The following ZNF766 variants were observed in gnomAD, a reference collection of about 807,000 sequenced individuals.
ZNF766 encodes zinc finger protein 766.
In ZNF766, 13 loss-of-function variants were observed where a neutral mutation model predicts 13.2. That is an observed-to-expected ratio of 0.98 (90% CI 0.64 to 1.56). ZNF766 has a LOEUF of 1.56. Among genes scored for constraint, ZNF766 ranks in the 40% most tolerant of loss-of-function variants. The pLI is 0.00. For synonymous variants in ZNF766, 178 were observed against 187.6 expected, an observed-to-expected ratio of 0.95 and a Z score of 0.42; for missense variants, 521 against 552.2, an observed-to-expected ratio of 0.94 and a Z score of 0.57.
intron 1 of ZNF766, among the ~76,000 whole-genome samples, chr19:52,273,852 T>G (rs1441090715): frequency 6.6e-6 from 1 of 152,186 alleles, no homozygotes; most frequent in African/African-American, 2.4e-5. Flanking sequence ...AGCTCACCCC[T>G]GTTTTCACAT....
At chr19:52,283,558 C>G in intron 3 of ZNF766, 145 bp downstream of exon 3, 1 of 1,103,954 alleles carries the variant, frequency 9.1e-7, no homozygotes, top group Non-Finnish European at 1.2e-6. Flanking sequence ...CTGCTTTGGC[C>G]TCCCAAAGTG....
intron 1 of ZNF766, among the ~76,000 whole-genome samples, chr19:52,280,038 CG>C (rs1228674521): frequency 6.6e-6 from 1 of 152,032 alleles, no homozygotes; most frequent in Non-Finnish European, 1.5e-5. Flanking sequence ...TCAGGTGATC[CG>C]CCCGCCTCAG....
At position 52,295,840 on chromosome 19, in the gene ZNF766, T is replaced by C. The variant is rs1982323920; in HGVS notation, c.*4642T>C. 6.6e-6 allele frequency: 1 copy of C among 152,038 alleles called. No homozygotes were observed. Among genetic ancestry groups the C allele is most frequent in the African/African-American group, 2.4e-5 (1 of 41,414 alleles). 9.4% of individuals were successfully genotyped at this position (152,038 alleles called of 1,614,324 possible). A position where few individuals can be genotyped will look rare whatever the true frequency, so the allele number is the denominator to read the frequency against. ...GGAGCATGCTGCTCTATCTTTTTTT[T>C]CAGATGTTTGAGCTATTCCAGGTTT... is the stretch of plus-strand genomic sequence containing the variant. On this transcript the variant is annotated 3_prime_UTR_variant, in exon 4 of 4. Coordinates refer to ENST00000439461, the MANE Select transcript of ZNF766 (RefSeq NM_001010851.3).
In ZNF766 at chr19:52,290,160, A is replaced by C. The variant is rs754293454; in HGVS notation, c.369A>C (p.Ile123=). 1 of 1,614,028 alleles carries C rather than the reference A, an allele frequency of 6.2e-7. No homozygotes were observed. The highest frequency in any genetic ancestry group is 1.3e-5 in the African/African-American group (1 of 74,944). The change falls in exon 4 of 4, where the codon ATA becomes ATC. Residue 123 remains isoleucine (I), a synonymous_variant. Transcript: ENST00000439461. ...AGTTACCTCTGCCAGAACTGGAGAT[A>C]TTTCAAGGTGAAGGGAAGATTTATG... is the stretch of plus-strand genomic sequence containing the variant. ...TFQLPLPELE[I]FQGEGKIYEC...
chr19:52,287,093 C>T (rs573480030), intron 3 of ZNF766, among the ~76,000 whole-genome samples: 2 of 152,294 alleles, frequency 1.3e-5, no homozygotes, highest in South Asian at 4.1e-4. Context: ...CCTCAGCCTC[C>T]CAAAGTGCTG....
At chr19:52,280,249 T>G (rs1004420829) in intron 1 of ZNF766, among the ~76,000 whole-genome samples, 3 of 152,186 alleles carry the variant, frequency 2.0e-5, no homozygotes, top group African/African-American at 7.2e-5. Flanking sequence ...AGCCCCAGTT[T>G]CTTGGGAGGC....
intron 1 of ZNF766, among the ~76,000 whole-genome samples, chr19:52,272,622 A>C (rs1420450491): frequency 6.6e-6 from 1 of 152,066 alleles, no homozygotes; most frequent in Non-Finnish European, 1.5e-5. Context: ...GCATACCACC[A>C]CACCTGAGTA....
In ZNF766 at chr19:52,295,673, G is replaced by A. The variant is rs1982315755; in HGVS notation, c.*4475G>A. ...CTTTCACTATATTAGAGGACTTGAA[G>A]TAACGTGAAGTGATTCCAACCCTTT... On this transcript the variant is annotated 3_prime_UTR_variant, in exon 4 of 4. Coordinates refer to ENST00000439461, the MANE Select transcript of ZNF766 (RefSeq NM_001010851.3). 1 of 152,136 alleles carries A rather than the reference G, an allele frequency of 6.6e-6. No homozygotes were observed. The highest frequency in any genetic ancestry group is 1.5e-5 in the Non-Finnish European group (1 of 68,016). 9.4% of individuals were successfully genotyped at this position (152,136 alleles called of 1,614,324 possible).
In ZNF766 at chr19:52,288,694, G is replaced by GT. The variant is rs570168757; in HGVS notation, c.275-1360dup. ...TAGGTGTGAGCCACCACACCCAGCC[G>GT]TTTTTTTTTTTTCATGTATGCATAC... On this transcript the variant is annotated intron_variant, in intron 3 of 3. Transcript: ENST00000439461. 7.0e-3 allele frequency among the ~76,000 whole-genome samples: 968 copies of GT among 138,132 alleles called. 6 individuals are homozygous for GT. Among genetic ancestry groups the GT allele is most frequent in the East Asian group, 0.032 (147 of 4,662 alleles). The allele number at this position is 138,132 out of a possible 152,430, so 90.6% of individuals were successfully genotyped here.
intron 1 of ZNF766, among the ~76,000 whole-genome samples, chr19:52,271,709 C>T (rs1310920698): frequency 6.6e-6 from 1 of 152,228 alleles, no homozygotes; most frequent in Non-Finnish European, 1.5e-5. Flanking sequence ...CCTGTAATCC[C>T]AGCACTTTGG....
Position 52,291,033 on chromosome 19 carries a change from T to C in ZNF766, c.1242T>C (p.Asn414=), listed in dbSNP as rs1568623889. Residue 414 remains asparagine (N), a synonymous_variant, in exon 4 of 4, where the codon AAT becomes AAC. Transcript: ENST00000439461. ...CTGGAGAGAAACCTTACAAATGTAA[T>C]GAGTGTGGCAAAGTCTTCACTCAGA... is the stretch of plus-strand genomic sequence containing the variant. ...IHTGEKPYKC[N]ECGKVFTQNS... 6.2e-7 allele frequency: 1 copy of C among 1,614,140 alleles called. No homozygotes were observed. Among genetic ancestry groups the C allele is most frequent in the Non-Finnish European group, 8.5e-7 (1 of 1,180,024 alleles).
chr19:52,284,602 G>A (rs1055594382), intron 3 of ZNF766, among the ~76,000 whole-genome samples: 4 of 152,034 alleles, frequency 2.6e-5, no homozygotes, highest in Non-Finnish European at 1.5e-5. Flanking sequence ...CTATCTACCT[G>A]AGTTAGAGTC....
chr19:52,291,052 A>C lies in ZNF766; in HGVS notation c.1261A>C (p.Thr421Pro). Residue 421 changes from threonine (T) to proline (P), a missense_variant, in exon 4 of 4, where the codon ACT (threonine) becomes CCT (proline). Coordinates refer to ENST00000439461, the MANE Select transcript of ZNF766 (RefSeq NM_001010851.3). ...YKCNECGKVFTQNSHLANHQR... is the reference protein window; with the variant it reads ...YKCNECGKVFPQNSHLANHQR... ...ATGTAATGAGTGTGGCAAAGTCTTCACTCAGAATTCACACCTTGCAAATCA... is the reference window on the plus strand; with the variant it reads ...ATGTAATGAGTGTGGCAAAGTCTTCCCTCAGAATTCACACCTTGCAAATCA... 6.2e-7 allele frequency: 1 copy of C among 1,614,170 alleles called. No homozygotes were observed. Among genetic ancestry groups the C allele is most frequent in the Non-Finnish European group, 8.5e-7 (1 of 1,179,996 alleles).
chr19:52,289,404 G>A (rs551453194), intron 3 of ZNF766, among the ~76,000 whole-genome samples: 10 of 151,684 alleles, frequency 6.6e-5, no homozygotes, highest in Admixed American at 3.9e-4. Context: ...CGCCCACCTC[G>A]CCCTCCCAAA....
At chr19:52,288,027 C>CTTT (rs548374068) in intron 3 of ZNF766, 13 of 353,892 alleles carry the variant, frequency 3.7e-5, no homozygotes, top group East Asian at 1.8e-4. Flanking sequence ...TTTTCTTTTT[C>CTTT]TTTTTTTTTT....
rs549884934 is a variant in ZNF766, at chr19:52,292,266, A to G, written c.*1068A>G. On this transcript the variant is annotated 3_prime_UTR_variant, in exon 4 of 4. Transcript: ENST00000439461. ...AGGACACTGCCTTTTCAGATTAAAG[A>G]TTGTCTGATTTAGAGACCATGGAGG... is the stretch of plus-strand genomic sequence containing the variant. 121 of 689,430 alleles carry G rather than the reference A, an allele frequency of 1.8e-4. 3 individuals are homozygous for G. The Middle Eastern group carries it at 1.9e-3, about 11-fold the overall frequency. 42.7% of individuals were successfully genotyped at this position (689,430 alleles called of 1,614,324 possible). A position where few individuals can be genotyped will look rare whatever the true frequency, so the allele number is the denominator to read the frequency against.
chr19:52,283,470 G>A (rs1467785648), intron 3 of ZNF766, 57 bp downstream of exon 3: 4 of 1,484,858 alleles, frequency 2.7e-6, no homozygotes, highest in African/African-American at 2.9e-5. Context: ...TTTTGAGACA[G>A]TCTCTGTTCC....
chr19:52,271,413 C>G (rs1239743374), intron 1 of ZNF766, among the ~76,000 whole-genome samples: 1 of 152,082 alleles, frequency 6.6e-6, no homozygotes, highest in East Asian at 1.9e-4. Context: ...ATTTCCATCT[C>G]AACCAGTAAA....
Position 52,270,238 on chromosome 19 carries a change from C to T in ZNF766, c.18+607C>T, listed in dbSNP as rs1398284214. ...GAGGTGGGTATTTTATTCCAGTCCC[C>T]TCCCTGTGAATGTGAAGTGAAAGAG... On this transcript the variant is annotated intron_variant, in intron 1 of 3. Transcript: ENST00000439461. Among the ~76,000 whole-genome samples, 5 of 152,216 alleles carry T rather than the reference C, an allele frequency of 3.3e-5. No individual in the cohort carries two copies. In the East Asian group the frequency reaches 7.7e-4, roughly 24 times the overall value.
Sources: allele counts gnomAD v4.1 joint callset (sites outside exome capture counted in the v4.1 genomes callset), GRCh38; gene constraint gnomAD v4.1.1; transcripts MANE v1.5; gene names NCBI Gene and HGNC (gene_info 2026-07-23, HGNC 2026-07-21).